Variants in GLB1L3 observed in about 807,000 individuals in gnomAD.
GLB1L3 encodes beta-galactosidase-1-like protein 3.
A neutral mutation model predicts 89.5 loss-of-function variants in GLB1L3; 89 were observed. That is an observed-to-expected ratio of 0.99 (90% CI 0.84 to 1.19). The LOEUF is 1.19. GLB1L3 is among the 50% of genes most tolerant of loss of function. GLB1L3 has a pLI of 0.00. For synonymous variants in GLB1L3, 314 were observed against 312.3 expected (o/e 1.01, Z -0.06); for missense variants, 812 against 813.3 (o/e 1.00, Z 0.02).
chr11:134,310,075 G>A, intron 11 of GLB1L3: 1 of 440,530 alleles, frequency 2.3e-6, no homozygotes, highest in Non-Finnish European at 4.1e-6. Context: ...GACCTGCACG[G>A]CCGGGCGATA....
intron 10 of GLB1L3, among the ~76,000 whole-genome samples, chr11:134,308,421 ATCACC>A: frequency 9.7e-6 from 1 of 103,178 alleles, no homozygotes; most frequent in Non-Finnish European, 1.9e-5. Context: ...CACCACCATC[ATCACC>A]ATCACCACCA....
At chr11:134,308,550 T>TACCAC in intron 10 of GLB1L3, among the ~76,000 whole-genome samples, 1 of 16,874 alleles carries the variant, frequency 5.9e-5, no homozygotes, top group African/African-American at 1.5e-4. Flanking sequence ...ACCATCACCA[T>TACCAC]CACCATCACC....
chr11:134,321,637 G>A (rs189711629), downstream of GLB1L3, among the ~76,000 whole-genome samples: 604 of 152,246 alleles, frequency 4.0e-3, 6 homozygotes, highest in African/African-American at 0.014. Context: ...GATGAAGCTG[G>A]AAACCATCAT....
At chr11:134,313,214 G>A (rs1313593462) in intron 15 of GLB1L3, among the ~76,000 whole-genome samples, 182 bp from the exon 16 acceptor site, 1 of 152,244 alleles carries the variant, frequency 6.6e-6, no homozygotes, top group African/African-American at 2.4e-5. Context: ...GATCAGCAGA[G>A]GGGAAAGGGA....
At chr11:134,322,924 A>G (rs1943184281), downstream of GLB1L3, among the ~76,000 whole-genome samples, 3 of 152,264 alleles carry the variant, frequency 2.0e-5, no homozygotes, top group South Asian at 6.2e-4. Context: ...TCTCTTGGTT[A>G]TATACCTGGA....
At chr11:134,310,853 C>G in intron 12 of GLB1L3, 1 of 618,426 alleles carries the variant, frequency 1.6e-6, no homozygotes. Context: ...TTTTATAAGC[C>G]TCAGTTTCTT....
At chr11:134,293,071 CG>C in intron 8 of GLB1L3, 73 bp from the exon 9 acceptor site, 2 of 1,243,184 alleles carry the variant, frequency 1.6e-6, no homozygotes, top group Non-Finnish European at 2.4e-6. Context: ...GCGTCCGGGC[CG>C]GGGGCGCATT....
intron 9 of GLB1L3, among the ~76,000 whole-genome samples, chr11:134,294,477 T>C (rs113526498): frequency 0.011 from 1,659 of 152,336 alleles, 21 homozygotes; most frequent in African/African-American, 0.038. Flanking sequence ...TAAGTCTTCT[T>C]CCTTTTTGTT....
chr11:134,313,470 G>A lies in GLB1L3; in HGVS notation c.1575G>A (p.Gln525=). 6.4e-7 allele frequency: 1 copy of A among 1,569,210 alleles called. No individual in the cohort carries two copies. Among genetic ancestry groups the A allele is most frequent in the Middle Eastern group, 1.7e-4 (1 of 5,972 alleles). Reference sequence around the variant, plus strand: ...TTTCATGGCAAATACAGAATGAGCAGAAAGGTGGGCTCTGGCTGTGGCTTC... The same window carrying A: ...TTTCATGGCAAATACAGAATGAGCAAAAAGGTGGGCTCTGGCTGTGGCTTC... ...VNFSWQIQNE[Q]KGITGSVSIN... The change falls in exon 16 of 20, where the codon CAG becomes CAA. Residue 525 remains glutamine (Q), a synonymous_variant. Coordinates refer to ENST00000431683, the MANE Select transcript of GLB1L3 (RefSeq NM_001080407.3).
At chr11:134,303,245 C>T (rs935654473) in intron 9 of GLB1L3, among the ~76,000 whole-genome samples, 2 of 152,166 alleles carry the variant, frequency 1.3e-5, no homozygotes, top group Admixed American at 6.5e-5. Flanking sequence ...TTTCTTTAGA[C>T]ATCTCTCTTA....
chr11:134,291,083 G>T (rs1301079097), intron 7 of GLB1L3, among the ~76,000 whole-genome samples: 1 of 151,986 alleles, frequency 6.6e-6, no homozygotes, highest in Non-Finnish European at 1.5e-5. Context: ...ATTCAAACCC[G>T]TGTCTAGCTC....
In GLB1L3 at chr11:134,310,590, G is replaced by A. The variant is rs374781494; in HGVS notation, c.1119G>A (p.Thr373=). The change falls in exon 12 of 20, where the codon ACG becomes ACA. Residue 373 remains threonine (T), a synonymous_variant. Transcript: ENST00000431683. ...TTGCAGACTATGATGCAGTGCTCACGGAGGCTGGAGATTACACAGAAAAAT... is the reference window on the plus strand; with the variant it reads ...TTGCAGACTATGATGCAGTGCTCACAGAGGCTGGAGATTACACAGAAAAAT... The part of the protein sequence containing the change: ...VTSYDYDAVL[T]EAGDYTEKYL... 1.1e-4 allele frequency: 172 copies of A among 1,612,970 alleles called. No homozygotes were observed. In the African/African-American group the frequency reaches 1.8e-3, roughly 17 times the overall value.
intron 9 of GLB1L3, chr11:134,305,375 G>A (rs1942152238): frequency 2.1e-6 from 1 of 466,700 alleles, no homozygotes; most frequent in Non-Finnish European, 3.8e-6. Flanking sequence ...CTTCGACAAA[G>A]AGCATTCTCT....
At chr11:134,277,127 G>T (rs764527900) in intron 1 of GLB1L3, 199 bp from the exon 2 acceptor site, 1 of 688,882 alleles carries the variant, frequency 1.5e-6, no homozygotes, top group Non-Finnish European at 2.5e-6. Flanking sequence ...GTCTGTCCCC[G>T]GCCTTCATCC....
chr11:134,278,007 G>GACTTACCTTCCGCACAGTCGTTTCCAGC lies in GLB1L3; in HGVS notation c.362+98_362+125dup, dbSNP rs1369988895. The GACTTACCTTCCGCACAGTCGTTTCCAGC allele has an allele frequency of 1.5e-5, 18 of 1,181,210 alleles. 1 individual carries two copies. In the African/African-American group the frequency reaches 2.3e-4, roughly 15 times the overall value. 73.2% of individuals were successfully genotyped at this position (1,181,210 alleles called of 1,614,324 possible). On this transcript the variant is annotated intron_variant, in intron 3 of 19. Coordinates refer to ENST00000431683, the MANE Select transcript of GLB1L3 (RefSeq NM_001080407.3). ...TCCGATTTTGGGGGCCCAGCGTGAG[G>GACTTACCTTCCGCACAGTCGTTTCCAGC]ACTTACCTTCCGCACAGTCGTTTCC... is the stretch of plus-strand genomic sequence containing the variant.
intron 9 of GLB1L3, among the ~76,000 whole-genome samples, chr11:134,302,301 A>C (rs544622106): frequency 2.0e-4 from 31 of 151,516 alleles, no homozygotes; most frequent in African/African-American, 6.3e-4. Flanking sequence ...GGATATTGGC[A>C]TGTTTTAAAC....
chr11:134,308,652 T>TCATCACCACCACCACCACCAC (rs1555080613), intron 10 of GLB1L3, among the ~76,000 whole-genome samples: 24 of 105,304 alleles, frequency 2.3e-4, no homozygotes, highest in Non-Finnish European at 3.6e-4. Flanking sequence ...ATCACCACCA[T>TCATCACCACCACCACCACCAC]CATCACCACC....
chr11:134,297,673 C>T (rs1427014194), intron 9 of GLB1L3, among the ~76,000 whole-genome samples: 1 of 151,808 alleles, frequency 6.6e-6, no homozygotes, highest in Non-Finnish European at 1.5e-5. Flanking sequence ...CCAGCCTGAC[C>T]AACATGGTGA....
rs979175827 is a variant in GLB1L3 at position 134,312,242 on chromosome 11, G to C, written c.1288-107G>C. ...GCATCTGTTTCATCATTTCCCATTT[G>C]AAGAACCCTTGGGGACCATTAGGCA... On this transcript the variant is annotated intron_variant, in intron 13 of 19. Transcript: ENST00000431683. 3.1e-6 allele frequency: 4 copies of C among 1,290,342 alleles called. No homozygotes were observed. In the African/African-American group the frequency reaches 5.9e-5, roughly 19 times the overall value. 79.9% of individuals were successfully genotyped at this position (1,290,342 alleles called of 1,614,324 possible). A position where few individuals can be genotyped will look rare whatever the true frequency, so the allele number is the denominator to read the frequency against.
Sources: allele counts gnomAD v4.1 joint callset (sites outside exome capture counted in the v4.1 genomes callset), GRCh38; gene constraint gnomAD v4.1.1; transcripts MANE v1.5; gene names NCBI Gene and HGNC (gene_info 2026-07-23, HGNC 2026-07-21).